OTX1: variants seen among roughly 807,000 people sequenced by gnomAD.
OTX1 encodes the protein homeobox protein OTX1.
Under a neutral mutation model 26.7 loss-of-function variants are expected in OTX1, and 7 were observed. The observed-to-expected ratio is 0.26, with a 90% CI of 0.15 to 0.49. The LOEUF (loss-of-function observed/expected upper bound fraction) is 0.49, where lower values mean the gene tolerates loss of function less well. Ranked by LOEUF, OTX1 falls within the 20% of genes least tolerant of loss-of-function variation. The pLI is 0.98. For synonymous variants in OTX1, 216 were observed against 212.8 expected (o/e 1.01, Z -0.13); for missense variants, 414 against 483.8 (o/e 0.86, Z 1.35).
Position 63,055,642 on chromosome 2 carries a change from G to C in OTX1, c.391G>C (p.Ala131Pro), listed in dbSNP as rs747061000. 1.9e-6 allele frequency: 3 copies of C among 1,614,156 alleles called. No homozygotes were observed. The highest frequency in any genetic ancestry group is 2.5e-6 in the Non-Finnish European group (3 of 1,180,036). ...SESSGQFTPP[A>P]VSSSASSSSS... The stretch of plus-strand genomic sequence containing the variant: ...AAGCAGTGGCCAATTCACGCCGCCA[G>C]CTGTGTCCAGCTCTGCCTCGTCCTC... The change falls in exon 5 of 5, where the codon GCT becomes CCT. Residue 131 changes from alanine to proline, a missense_variant. Physicochemically the swap from Ala to Pro is conservative, Grantham distance 27. This residue lies in a region of OTX1 where 320 missense variants were observed against 347.9 expected (regional missense o/e 0.92). Coordinates refer to ENST00000282549, the MANE Select transcript of OTX1 (RefSeq NM_014562.4). This position sits in a 1 kb window ranked among gnomAD's most constrained non-coding sequence, Gnocchi z 5.2.
chr2:63,050,538 G>A (rs902598381), upstream of OTX1, among the ~76,000 whole-genome samples: 1 of 152,010 alleles, frequency 6.6e-6, no homozygotes, highest in Non-Finnish European at 1.5e-5. Context: ...GGAGACCCAC[G>A]GCCCCCTCCG....
At chr2:63,050,073 C>T (rs923017362), upstream of OTX1, 1 of 152,258 alleles carries the variant, frequency 6.6e-6, no homozygotes, top group East Asian at 1.9e-4. Flanking sequence ...TGGGCTCCAA[C>T]GTTTCAGTAG....
In OTX1 at chr2:63,056,222, C is replaced by A; in HGVS notation, c.971C>A (p.Ala324Asp). 6.2e-7 allele frequency: 1 copy of A among 1,614,128 alleles called. No individual in the cohort carries two copies. Among genetic ancestry groups the A allele is most frequent in the Non-Finnish European group, 8.5e-7 (1 of 1,180,036 alleles). ...ADCLDYKEPG[A>D]AAASSAWKLN... ...TGCTTGGATTACAAGGAGCCTGGCGCCGCTGCTGCTTCCTCCGCCTGGAAA... is the reference window on the plus strand; with the variant it reads ...TGCTTGGATTACAAGGAGCCTGGCGACGCTGCTGCTTCCTCCGCCTGGAAA... Residue 324 changes from alanine to aspartate, a missense_variant, in exon 5 of 5, where the codon GCC becomes GAC. Transcript: ENST00000282549.
intron 3 of OTX1, among the ~76,000 whole-genome samples, chr2:63,053,723 TGTGTGC>T (rs1026806299): frequency 1.1e-4 from 17 of 152,132 alleles, no homozygotes; most frequent in East Asian, 3.9e-4. Context: ...TGTGTGCGTG[TGTGTGC>T]GTGTGCGTGT....
chr2:63,053,286 A>C (rs926676243), intron 3 of OTX1, 199 bp downstream of exon 3: 3 of 451,278 alleles, frequency 6.6e-6, no homozygotes, highest in Non-Finnish European at 1.2e-5. Flanking sequence ...GCCAGGGCTG[A>C]GAAAACGCGC....
Position 63,056,364 on chromosome 2 carries a change from TG to T in OTX1, c.*50del. The T allele has an allele frequency of 6.6e-7, 1 of 1,511,214 alleles. No individual in the cohort carries two copies. The highest frequency in any genetic ancestry group is 9.1e-7 in the Non-Finnish European group (1 of 1,103,234). The allele number at this position is 1,511,214 out of a possible 1,614,324, so 93.6% of individuals were successfully genotyped here. A position where few individuals can be genotyped will look rare whatever the true frequency, so the allele number is the denominator to read the frequency against. ...GAAACGCAACTACCTGCGCCCTCCG[TG>T]GTCCCGATCCTGTTGCTGCTGCTGC... On this transcript the variant is annotated 3_prime_UTR_variant, in exon 5 of 5. Transcript: ENST00000282549.
rs2062044928 is a variant in OTX1 at position 63,053,865 on chromosome 2, A to C, written c.98-182A>C. On this transcript the variant is annotated intron_variant, in intron 3 of 4. Transcript: ENST00000282549. The stretch of plus-strand genomic sequence containing the variant: ...TGGAGACACTGGCTTCTAGTCGCAC[A>C]TCTGCACTTTCTCCCACCTGTGGCC... The C allele has an allele frequency of 4.8e-6, 3 of 628,592 alleles. No individual in the cohort carries two copies. In the East Asian group the frequency reaches 8.9e-5, roughly 19 times the overall value. The allele number at this position is 628,592 out of a possible 1,614,324, so 38.9% of individuals were successfully genotyped here.
chr2:63,055,428 G>C lies in OTX1; in HGVS notation c.250-73G>C, dbSNP rs1489710603. ...TGCGATATTCTGGACCGGGAGTTGG[G>C]TCCGCGGGGCGGTGGAGCAACAAGC... On this transcript the variant is annotated intron_variant, in intron 4 of 4. Transcript: ENST00000282549. This position sits in a 1 kb window ranked among gnomAD's most constrained non-coding sequence, Gnocchi z 5.2. 2 of 1,480,392 alleles carry C rather than the reference G, an allele frequency of 1.4e-6. No individual in the cohort carries two copies. The highest frequency in any genetic ancestry group is 2.8e-5 in the African/African-American group (2 of 71,480). The allele number at this position is 1,480,392 out of a possible 1,614,324, so 91.7% of individuals were successfully genotyped here. A position where few individuals can be genotyped will look rare whatever the true frequency, so the allele number is the denominator to read the frequency against.
rs1294459130 is a variant in OTX1 at position 63,055,589 on chromosome 2, C to T, written c.338C>T (p.Ser113Phe). The T allele has an allele frequency of 6.2e-7, 1 of 1,614,176 alleles. No homozygotes were observed. Among genetic ancestry groups the T allele is most frequent in the African/African-American group, 1.3e-5 (1 of 75,052 alleles). Residue 113 changes from serine to phenylalanine, a missense_variant, in exon 5 of 5, where the codon TCT becomes TTT. Ser to Phe is a radical substitution (Grantham distance 155, BLOSUM62 -2). This residue lies in a region of OTX1 where 320 missense variants were observed against 347.9 expected (regional missense o/e 0.92). Transcript: ENST00000282549. This position sits in a 1 kb window ranked among gnomAD's most constrained non-coding sequence, Gnocchi z 5.2. The stretch of plus-strand genomic sequence containing the variant: ...AGCCGCCCAGCCAAGAAGAAGTCCT[C>T]TCCAGTGCGGGAGAGCTCGGGCTCC... ...TKSRPAKKKSSPVRESSGSES... is the reference protein window; with the variant it reads ...TKSRPAKKKSFPVRESSGSES...
chr2:63,056,233 T>G lies in OTX1; in HGVS notation c.982T>G (p.Ser328Ala), dbSNP rs1378233376. The G allele has an allele frequency of 7.4e-6, 12 of 1,613,800 alleles. No individual in the cohort carries two copies. The highest frequency in any genetic ancestry group is 1.0e-5 in the Non-Finnish European group (12 of 1,179,998). ...DYKEPGAAAASSAWKLNFNSP... is the reference protein window; with the variant it reads ...DYKEPGAAAAASAWKLNFNSP... ...CAAGGAGCCTGGCGCCGCTGCTGCTTCCTCCGCCTGGAAACTCAACTTCAA... is the reference window on the plus strand; with the variant it reads ...CAAGGAGCCTGGCGCCGCTGCTGCTGCCTCCGCCTGGAAACTCAACTTCAA... Residue 328 changes from serine to alanine, a missense_variant, in exon 5 of 5, where the codon TCC (serine) becomes GCC (alanine). This residue lies in a region of OTX1 where 320 missense variants were observed against 347.9 expected (regional missense o/e 0.92). Coordinates refer to ENST00000282549, the MANE Select transcript of OTX1 (RefSeq NM_014562.4).
At position 63,055,563 on chromosome 2, in the gene OTX1, G is replaced by A. The variant is rs775197018; in HGVS notation, c.312G>A (p.Lys104=). 15 of 1,614,038 alleles carry A rather than the reference G, an allele frequency of 9.3e-6. No individual in the cohort carries two copies. Among genetic ancestry groups the A allele is most frequent in the African/African-American group, 1.3e-5 (1 of 74,928 alleles). ...AGCAGCAGAGCGGGAGCGGAACCAA[G>A]AGCCGCCCAGCCAAGAAGAAGTCCT... ...RQQQQSGSGT[K]SRPAKKKSSP... is the part of the protein sequence containing the mutation. The change falls in exon 5 of 5, where the codon AAG becomes AAA. Residue 104 remains lysine (K), a synonymous_variant. Transcript: ENST00000282549. This position sits in a 1 kb window ranked among gnomAD's most constrained non-coding sequence, Gnocchi z 5.2.
At chr2:63,050,993 C>A (rs187209101) in intron 1 of OTX1, 96 bp downstream of exon 1, 4 of 152,402 alleles carry the variant, frequency 2.6e-5, no homozygotes, top group African/African-American at 9.6e-5. Flanking sequence ...GCGGCAACGC[C>A]GAGCCACCTC....
rs2062074067 is a variant in OTX1 at position 63,057,093 on chromosome 2, T to C, written c.*777T>C. On this transcript the variant is annotated 3_prime_UTR_variant, in exon 5 of 5. Coordinates refer to ENST00000282549, the MANE Select transcript of OTX1 (RefSeq NM_014562.4). ...TTGGTTGAACTGAACATATCTTGTCTTAGCACCCAGGAAACAGAACTTTAA... is the reference window on the plus strand; with the variant it reads ...TTGGTTGAACTGAACATATCTTGTCCTAGCACCCAGGAAACAGAACTTTAA... 6.6e-6 allele frequency: 1 copy of C among 152,066 alleles called. No individual in the cohort carries two copies. Among genetic ancestry groups the C allele is most frequent in the South Asian group, 2.1e-4 (1 of 4,834 alleles). The allele number at this position is 152,066 out of a possible 1,614,324, so 9.4% of individuals were successfully genotyped here. A position where few individuals can be genotyped will look rare whatever the true frequency, so the allele number is the denominator to read the frequency against.
chr2:63,056,147 A>T lies in OTX1; in HGVS notation c.896A>T (p.His299Leu), dbSNP rs756138423. 6.2e-7 allele frequency: 1 copy of T among 1,613,450 alleles called. No homozygotes were observed. Among genetic ancestry groups the T allele is most frequent in the Non-Finnish European group, 8.5e-7 (1 of 1,179,918 alleles). ...SSGHHHHHHH[H>L]HHQGYGGSGL... ...GGCCACCACCACCACCATCACCACC[A>T]CCACCACCAAGGCTACGGTGGCTCT... Residue 299 changes from histidine (H) to leucine (L), a missense_variant, in exon 5 of 5, where the codon CAC becomes CTC. Physicochemically the swap from His to Leu is moderately conservative, Grantham distance 99. This residue lies in a region of OTX1 where 320 missense variants were observed against 347.9 expected (regional missense o/e 0.92). Transcript: ENST00000282549.
Position 63,055,319 on chromosome 2 carries a change from G to GT in OTX1, c.250-181dup, listed in dbSNP as rs1358897477. On this transcript the variant is annotated intron_variant, in intron 4 of 4. Transcript: ENST00000282549. This position sits in a 1 kb window ranked among gnomAD's most constrained non-coding sequence, Gnocchi z 5.2. ...GCTTTGAGCAGAAGGATGGGGGAGG[G>GT]TGGAGGAGCTGGGAACCGAGGTAGG... Among the ~76,000 whole-genome samples the GT allele has an allele frequency of 6.6e-6, 1 of 152,164 alleles. No homozygotes were observed. The highest frequency in any genetic ancestry group is 2.4e-5 in the African/African-American group (1 of 41,434).
chr2:63,054,850 G>A (rs1243731716), intron 4 of OTX1, among the ~76,000 whole-genome samples: 1 of 152,154 alleles, frequency 6.6e-6, no homozygotes, highest in African/African-American at 2.4e-5. Context: ...CATGTGCTGG[G>A]GCTCTCCTAG....
At position 63,057,269 on chromosome 2, in the gene OTX1, G is replaced by C. The variant is rs1574630935; in HGVS notation, c.*953G>C. On this transcript the variant is annotated 3_prime_UTR_variant, in exon 5 of 5. Coordinates refer to ENST00000282549, the MANE Select transcript of OTX1 (RefSeq NM_014562.4). ...TTTTCAGTTGTTGCAAAGCTGCCCT[G>C]CCCTCTTCACATCTTCTCCCTCTGT... 6.6e-6 allele frequency: 1 copy of C among 152,010 alleles called. No individual in the cohort carries two copies. Among genetic ancestry groups the C allele is most frequent in the Non-Finnish European group, 1.5e-5 (1 of 68,028 alleles). 9.4% of individuals were successfully genotyped at this position (152,010 alleles called of 1,614,324 possible).
At chr2:63,053,500 C>T in intron 3 of OTX1, 1 of 190,774 alleles carries the variant, frequency 5.2e-6, no homozygotes, top group Admixed American at 6.1e-5. Flanking sequence ...CGGCAGGCTG[C>T]ACTGAAGGAG....
chr2:63,057,391 T>G lies in OTX1; in HGVS notation c.*1075T>G, dbSNP rs1201756380. The G allele has an allele frequency of 6.6e-5, 10 of 152,274 alleles. No homozygotes were observed. The highest frequency in any genetic ancestry group is 1.9e-4 in the African/African-American group (8 of 41,548). 9.4% of individuals were successfully genotyped at this position (152,274 alleles called of 1,614,324 possible). A position where few individuals can be genotyped will look rare whatever the true frequency, so the allele number is the denominator to read the frequency against. ...CAAGTCAGGGTACAGAGGTGGGGGT[T>G]GGGCAGGGGCGCAGGGCTGACCCCC... On this transcript the variant is annotated 3_prime_UTR_variant, in exon 5 of 5. Transcript: ENST00000282549.
Sources: allele counts gnomAD v4.1 joint callset (sites outside exome capture counted in the v4.1 genomes callset), GRCh38; gene constraint gnomAD v4.1.1; regional missense constraint gnomAD v4.1.1; non-coding constraint Gnocchi (gnomAD v3.1); transcripts MANE v1.5; gene names NCBI Gene and HGNC (gene_info 2026-07-23, HGNC 2026-07-21).